ITPK1: variants seen among roughly 807,000 people sequenced by gnomAD.
ITPK1 encodes inositol-tetrakisphosphate 1-kinase, also known as inositol 1,3,4-trisphosphate 5/6-kinase.
In ITPK1, 21 loss-of-function variants were observed where a neutral mutation model predicts 45.3. The ratio of observed to expected loss-of-function variants is 0.46; its 90% CI spans 0.33 to 0.67. The LOEUF (loss-of-function observed/expected upper bound fraction) is 0.67. ITPK1 is among the 30% of genes least tolerant of loss of function. ITPK1 has a pLI of 0.02. For missense variants in ITPK1, 474 were observed against 573.5 expected (o/e 0.83, Z 1.77); for synonymous variants, 258 against 253.6 (o/e 1.02, Z -0.16).
Position 93,040,130 on chromosome 14 carries a change from C to T in ITPK1, c.121-23329G>A, listed in dbSNP as rs577403068. Among the ~76,000 whole-genome samples, 7 of 152,378 alleles carry T rather than the reference C, an allele frequency of 4.6e-5. No individual in the cohort carries two copies. In the East Asian group the frequency reaches 1.3e-3, roughly 29 times the overall value. On this transcript the variant is annotated intron_variant, in intron 3 of 10. Transcript: ENST00000267615. ...GGTTAAACTGCCTTAATCTTTAAAACCGCATATCCACACGTCTGGCAGGCT... is the reference window on the plus strand; with the variant it reads ...GGTTAAACTGCCTTAATCTTTAAAATCGCATATCCACACGTCTGGCAGGCT...
intron 5 of ITPK1, among the ~76,000 whole-genome samples, chr14:92,977,550 G>GAATTACAGGCAGAAGTCTGCTGCAAGGGT (rs1566710922): frequency 6.6e-6 from 1 of 152,080 alleles, no homozygotes; most frequent in African/African-American, 2.4e-5. Context: ...CCAGCATCGG[G>GAATTACAGGCAGAAGTCTGCTGCAAGGGT]GGAGGACCTG....
chr14:92,973,037 G>C (rs893656092), intron 5 of ITPK1, among the ~76,000 whole-genome samples: 4 of 152,214 alleles, frequency 2.6e-5, no homozygotes, highest in African/African-American at 9.6e-5. Context: ...AATCCCAGCT[G>C]TTCTGCAGAG....
intron 2 of ITPK1, among the ~76,000 whole-genome samples, chr14:93,082,398 C>T (rs773154502): frequency 5.3e-5 from 8 of 152,140 alleles, no homozygotes; most frequent in East Asian, 1.9e-4. Flanking sequence ...TAGGCAGGAG[C>T]GGAAGAGGTG....
chr14:92,964,034 A>C (rs574753268), intron 5 of ITPK1, among the ~76,000 whole-genome samples: 9 of 152,314 alleles, frequency 5.9e-5, no homozygotes, highest in African/African-American at 2.2e-4. Flanking sequence ...ATCAAGGTAG[A>C]TCCAGCCTCA....
chr14:93,040,469 T>C (rs1291092091), intron 3 of ITPK1, among the ~76,000 whole-genome samples: 2 of 152,170 alleles, frequency 1.3e-5, no homozygotes, highest in Non-Finnish European at 2.9e-5. Flanking sequence ...TCAAGGCCCC[T>C]GGCCAGAGCA....
chr14:93,004,065 G>A (rs917742114), intron 4 of ITPK1, among the ~76,000 whole-genome samples: 2 of 152,220 alleles, frequency 1.3e-5, no homozygotes, highest in Non-Finnish European at 2.9e-5. Context: ...CAGGCCCAGA[G>A]ACATTCAAAC....
intron 5 of ITPK1, among the ~76,000 whole-genome samples, chr14:92,977,042 C>T (rs571909474): frequency 2.0e-4 from 31 of 152,248 alleles, no homozygotes; most frequent in Non-Finnish European, 4.4e-4. Context: ...ACGGTTACTT[C>T]ACCTTTTGGT....
At chr14:92,976,504 T>A (rs145084423) in intron 5 of ITPK1, among the ~76,000 whole-genome samples, 128 of 152,314 alleles carry the variant, frequency 8.4e-4, no homozygotes, top group Non-Finnish European at 1.3e-3. Flanking sequence ...TGCAGATTCA[T>A]GAGCACAAGA....
At position 92,941,503 on chromosome 14, in the gene ITPK1, C is replaced by A; in HGVS notation, c.*58G>T. 6.9e-7 allele frequency: 1 copy of A among 1,457,466 alleles called. No homozygotes were observed. The allele number at this position is 1,457,466 out of a possible 1,614,324, so 90.3% of individuals were successfully genotyped here. A position where few individuals can be genotyped will look rare whatever the true frequency, so the allele number is the denominator to read the frequency against. ...GTAGTAGCATCGCCGTTGGGAGCTG[C>A]TGGCCCAGCGGGTGTGCTCTGCGCC... On this transcript the variant is annotated 3_prime_UTR_variant, in exon 11 of 11. Coordinates refer to ENST00000267615, the MANE Select transcript of ITPK1 (RefSeq NM_014216.6).
intron 2 of ITPK1, among the ~76,000 whole-genome samples, chr14:93,088,027 C>T: frequency 6.6e-6 from 1 of 152,232 alleles, no homozygotes; most frequent in Non-Finnish European, 1.5e-5. Flanking sequence ...TCCTGAGGTC[C>T]ATCAGAGGTG....
intron 2 of ITPK1, among the ~76,000 whole-genome samples, chr14:93,078,983 G>C (rs1342934055): frequency 6.6e-6 from 1 of 151,870 alleles, no homozygotes; most frequent in Admixed American, 6.6e-5. Flanking sequence ...GACTTCCACT[G>C]GGCTCTGGGC....
intron 2 of ITPK1, among the ~76,000 whole-genome samples, chr14:93,102,544 G>C (rs1168077941): frequency 6.6e-6 from 1 of 152,178 alleles, no homozygotes; most frequent in Non-Finnish European, 1.5e-5. Context: ...AGGCTGAGGT[G>C]GAAGGATCAC....
chr14:92,964,586 T>C (rs530514607), intron 5 of ITPK1, among the ~76,000 whole-genome samples: 2 of 152,310 alleles, frequency 1.3e-5, no homozygotes, highest in South Asian at 4.1e-4. Context: ...AAGGATATGG[T>C]GCTCAGGCCT....
intron 5 of ITPK1, among the ~76,000 whole-genome samples, chr14:92,991,179 C>T (rs1260385884): frequency 1.3e-5 from 2 of 152,170 alleles, no homozygotes; most frequent in Non-Finnish European, 2.9e-5. Flanking sequence ...CCTCCAGGAA[C>T]AGCAGGCAGT....
rs577188601 is a variant in ITPK1 at position 92,941,512 on chromosome 14, C to T, written c.*49G>A. 2.4e-3 allele frequency: 3,541 copies of T among 1,464,096 alleles called. 6 individuals are homozygous for T. Among genetic ancestry groups the T allele is most frequent in the Non-Finnish European group, 2.9e-3 (3,258 of 1,115,220 alleles). The allele number at this position is 1,464,096 out of a possible 1,614,324, so 90.7% of individuals were successfully genotyped here. On this transcript the variant is annotated 3_prime_UTR_variant, in exon 11 of 11. Coordinates refer to ENST00000267615, the MANE Select transcript of ITPK1 (RefSeq NM_014216.6). ...TCGCCGTTGGGAGCTGCTGGCCCAG[C>T]GGGTGTGCTCTGCGCCCTGCGCTGC...
At chr14:93,074,535 T>C (rs1891140260) in intron 3 of ITPK1, among the ~76,000 whole-genome samples, 1 of 152,208 alleles carries the variant, frequency 6.6e-6, no homozygotes, top group African/African-American at 2.4e-5. Context: ...TGTCTTGCCC[T>C]CTCAGGCAGT....
intron 7 of ITPK1, among the ~76,000 whole-genome samples, chr14:92,960,496 G>A (rs1174706238): frequency 3.9e-5 from 6 of 152,190 alleles, no homozygotes; most frequent in African/African-American, 1.4e-4. Context: ...CTGGGTGGCT[G>A]GGTAATTTGC....
chr14:92,978,829 G>GA (rs1886080115), intron 5 of ITPK1, among the ~76,000 whole-genome samples: 1 of 152,232 alleles, frequency 6.6e-6, no homozygotes, highest in African/African-American at 2.4e-5. Flanking sequence ...AGCCCTCATG[G>GA]AAAACCTCTG....
At chr14:93,086,299 G>A (rs1467786344) in intron 2 of ITPK1, among the ~76,000 whole-genome samples, 1 of 152,210 alleles carries the variant, frequency 6.6e-6, no homozygotes, top group Non-Finnish European at 1.5e-5. Flanking sequence ...TCTTTGAAAG[G>A]CTGTGTTCCA....
Sources: gnomAD v4.1 joint callset for allele counts (sites outside exome capture counted in the v4.1 genomes callset) on GRCh38, gnomAD v4.1.1 for gene constraint, MANE v1.5 for transcripts, NCBI Gene and HGNC (gene_info 2026-07-23, HGNC 2026-07-21) for gene names.